RTN1: variants seen among roughly 807,000 people sequenced by gnomAD.
RTN1 encodes reticulon 1.
Under a neutral mutation model 65.5 loss-of-function variants are expected in RTN1, and 25 were observed. That is an observed-to-expected ratio of 0.38 (90% CI 0.28 to 0.53). RTN1 has a LOEUF of 0.53. Ranked by LOEUF, RTN1 falls within the 20% of genes least tolerant of loss-of-function variation. The pLI is 0.79. For synonymous variants in RTN1, 471 were observed against 447.6 expected, an observed-to-expected ratio of 1.05 and a Z score of -0.66; for missense variants, 983 against 1,025.4, an observed-to-expected ratio of 0.96 and a Z score of 0.57.
At position 59,745,902 on chromosome 14, in the gene RTN1, G is replaced by A. The variant is rs1885208707; in HGVS notation, c.821C>T (p.Ala274Val). ...IDDLSEEQRRAPQITTPVKIT... is the reference protein window; with the variant it reads ...IDDLSEEQRRVPQITTPVKIT... ...TTTGACAGGGGTGGTGATCTGAGGA[G>A]CCCTGCGCTGTTCTTCAGAGAGATC... Residue 274 changes from alanine (A) to valine (V), a missense_variant, in exon 2 of 9, where the codon GCT becomes GTT. Transcript: ENST00000267484. 3 of 1,614,072 alleles carry A rather than the reference G, an allele frequency of 1.9e-6. No homozygotes were observed. Among genetic ancestry groups the A allele is most frequent in the Middle Eastern group, 3.3e-4 (2 of 6,062 alleles).
At chr14:59,659,981 G>C (rs746926185) in intron 3 of RTN1, among the ~76,000 whole-genome samples, 7 of 152,070 alleles carry the variant, frequency 4.6e-5, no homozygotes, top group Non-Finnish European at 8.8e-5. Context: ...TCACTGTGCT[G>C]TATTCAGGAG....
chr14:59,718,820 T>C (rs999561103), intron 3 of RTN1, among the ~76,000 whole-genome samples: 2 of 152,234 alleles, frequency 1.3e-5, no homozygotes, highest in Non-Finnish European at 2.9e-5. Context: ...TTTGTAATCA[T>C]TGTGTTGACA....
rs1267131668 is a variant in RTN1 at position 59,836,094 on chromosome 14, AGAAGGACCCTCGT to A, written c.241+34283_241+34295del. Among the ~76,000 whole-genome samples the A allele has an allele frequency of 6.6e-6, 1 of 152,174 alleles. No individual in the cohort carries two copies. Among genetic ancestry groups the A allele is most frequent in the East Asian group, 1.9e-4 (1 of 5,194 alleles). On this transcript the variant is annotated intron_variant, in intron 1 of 8. Transcript: ENST00000267484. The surrounding 1 kb of genome is among the most constrained non-coding windows in gnomAD (Gnocchi z 4.9). ...ACTCTGACTCTGCTTCTTCCCTCTT[AGAAGGACCCTCGT>A]GATTGCACTGGGACCACCTGGATAA...
Position 59,870,515 on chromosome 14 carries a change from G to T in RTN1, c.116C>A (p.Thr39Lys), listed in dbSNP as rs934671272. ...GGGCTCCCCAGCCTGCGGCGCCGGC[G>T]TGGCCCCTTTCGGCGTCACCGCTTC... ...ENEAVTPKGA[T>K]PAPQAGEPSP... is the part of the protein sequence containing the mutation. Residue 39 changes from threonine to lysine, a missense_variant, in exon 1 of 9, where the codon ACG (threonine) becomes AAG (lysine). Physicochemically the swap from Thr to Lys is moderately conservative, Grantham distance 78. Around this residue, in one of 2 missense-constraint regions of RTN1, gnomAD observed 818 missense variants for 801.8 expected, o/e 1.02. Transcript: ENST00000267484. The surrounding 1 kb of genome is among the most constrained non-coding windows in gnomAD (Gnocchi z 5.1). 12 of 1,458,670 alleles carry T rather than the reference G, an allele frequency of 8.2e-6. No individual in the cohort carries two copies. The highest frequency in any genetic ancestry group is 1.1e-5 in the Non-Finnish European group (12 of 1,111,356). The allele number at this position is 1,458,670 out of a possible 1,614,324, so 90.4% of individuals were successfully genotyped here.
chr14:59,750,006 A>AT (rs1416985786), intron 1 of RTN1, among the ~76,000 whole-genome samples: 2 of 83,244 alleles, frequency 2.4e-5, no homozygotes, highest in African/African-American at 1.0e-4. Context: ...TATATTATAT[A>AT]CATATATATT....
chr14:59,776,129 T>C (rs1594738112), intron 1 of RTN1, among the ~76,000 whole-genome samples: 2 of 152,154 alleles, frequency 1.3e-5, no homozygotes, highest in Non-Finnish European at 2.9e-5. Context: ...CATTATGATG[T>C]TGCTGAGCCA....
At chr14:59,719,225 T>C (rs1288149758) in intron 3 of RTN1, among the ~76,000 whole-genome samples, 4 of 152,228 alleles carry the variant, frequency 2.6e-5, no homozygotes, top group Non-Finnish European at 5.9e-5. Flanking sequence ...TTTCTTGCCA[T>C]TCTTCCCCTT....
At chr14:59,718,296 C>G (rs188409813) in intron 3 of RTN1, among the ~76,000 whole-genome samples, 1 of 152,208 alleles carries the variant, frequency 6.6e-6, no homozygotes, top group African/African-American at 2.4e-5. Context: ...GCTGAAGTAA[C>G]CAGACTGAGT....
chr14:59,843,400 G>A (rs750658638), intron 1 of RTN1, among the ~76,000 whole-genome samples: 1 of 152,184 alleles, frequency 6.6e-6, no homozygotes, highest in African/African-American at 2.4e-5. Flanking sequence ...GTTACAAGGT[G>A]TACATCCACC....
chr14:59,619,011 AAAGTTGAGTTT>A (rs1882184319), intron 3 of RTN1, among the ~76,000 whole-genome samples: 1 of 152,196 alleles, frequency 6.6e-6, no homozygotes. Flanking sequence ...GTAGGTGGCA[AAAGTTGAGTTT>A]AAGGAAGAGA....
At chr14:59,679,840 G>A (rs1423330353) in intron 3 of RTN1, among the ~76,000 whole-genome samples, 2 of 152,146 alleles carry the variant, frequency 1.3e-5, no homozygotes, top group African/African-American at 4.8e-5. Flanking sequence ...CTTCCATACA[G>A]AACAATTTGA....
intron 3 of RTN1, among the ~76,000 whole-genome samples, chr14:59,642,855 A>G (rs1882809327): frequency 6.6e-6 from 1 of 152,168 alleles, no homozygotes; most frequent in Non-Finnish European, 1.5e-5. Context: ...GTCTAATAAT[A>G]TCTTATAGCA....
At chr14:59,684,278 G>C (rs1883801481) in intron 3 of RTN1, among the ~76,000 whole-genome samples, 1 of 151,788 alleles carries the variant, frequency 6.6e-6, no homozygotes, top group African/African-American at 2.4e-5. Flanking sequence ...AAAAACTTCA[G>C]TGCATTTTCA....
At chr14:59,783,514 T>C (rs1886194283) in intron 1 of RTN1, among the ~76,000 whole-genome samples, 1 of 152,134 alleles carries the variant, frequency 6.6e-6, no homozygotes, top group South Asian at 2.1e-4. Context: ...TTGTGTGACA[T>C]GGGATTTGAT....
intron 3 of RTN1, among the ~76,000 whole-genome samples, chr14:59,704,373 T>C (rs2139450828): frequency 6.6e-6 from 1 of 152,328 alleles, no homozygotes; most frequent in Non-Finnish European, 1.5e-5. Flanking sequence ...ATGTTCCCCC[T>C]TGGCAAACTT....
chr14:59,779,845 C>T (rs1015657999), intron 1 of RTN1, among the ~76,000 whole-genome samples: 1 of 152,178 alleles, frequency 6.6e-6, no homozygotes. Flanking sequence ...GCTTTTCTTC[C>T]TCCCCCCACT....
At chr14:59,760,261 T>C (rs571959409) in intron 1 of RTN1, among the ~76,000 whole-genome samples, 1 of 152,260 alleles carries the variant, frequency 6.6e-6, no homozygotes, top group East Asian at 1.9e-4. Flanking sequence ...GTTATAGATA[T>C]CTAGATGCAG....
intron 2 of RTN1, among the ~76,000 whole-genome samples, chr14:59,732,454 A>T (rs2139486235): frequency 6.6e-6 from 1 of 152,350 alleles, no homozygotes; most frequent in South Asian, 2.1e-4. Flanking sequence ...CACACGGAGA[A>T]TGAAGAAAAG....
intron 1 of RTN1, among the ~76,000 whole-genome samples, chr14:59,858,617 A>G (rs1165870311): frequency 6.6e-6 from 1 of 152,196 alleles, no homozygotes; most frequent in Non-Finnish European, 1.5e-5. Flanking sequence ...ATCTCATGCA[A>G]TAGATGAATT....
Sources: gnomAD v4.1 joint callset for allele counts (sites outside exome capture counted in the v4.1 genomes callset) on GRCh38, gnomAD v4.1.1 for gene constraint, gnomAD v4.1.1 regional missense constraint, Gnocchi (gnomAD v3.1) non-coding constraint, MANE v1.5 for transcripts, NCBI Gene and HGNC (gene_info 2026-07-23, HGNC 2026-07-21) for gene names.